CTCF: variants seen among roughly 807,000 people sequenced by gnomAD.
CTCF encodes transcriptional repressor CTCF.
CTCF carries 7 observed loss-of-function variants against 72.3 expected under a neutral mutation model. That is an observed-to-expected ratio of 0.10 (90% CI 0.06 to 0.18). CTCF has a LOEUF of 0.18. CTCF is among the 10% of genes least tolerant of loss of function. The pLI is 1.00. For missense variants in CTCF, 516 were observed against 949.1 expected, an observed-to-expected ratio of 0.54 and a Z score of 6.00; for synonymous variants, 374 against 315.8, an observed-to-expected ratio of 1.18 and a Z score of -1.95.
At chr16:67,587,090 C>G (rs2051678580) in intron 2 of CTCF, among the ~76,000 whole-genome samples, 1 of 146,092 alleles carries the variant, frequency 6.8e-6, no homozygotes, top group South Asian at 2.2e-4. Context: ...GGGTAGGTAA[C>G]TTCTTAAACA....
At chr16:67,566,515 TAAAAAA>T (rs377253111) in intron 1 of CTCF, among the ~76,000 whole-genome samples, 15 of 76,272 alleles carry the variant, frequency 2.0e-4, no homozygotes, top group Admixed American at 2.0e-3. Context: ...GTCTCAAAAT[TAAAAAA>T]AAAAAAAAAA....
In CTCF at chr16:67,610,852, A is replaced by C; in HGVS notation, c.20A>C (p.Glu7Ala). The C allele has an allele frequency of 6.7e-7, 1 of 1,488,202 alleles. No homozygotes were observed. The allele number at this position is 1,488,202 out of a possible 1,614,324, so 92.2% of individuals were successfully genotyped here. ...GGGGAAATGGAAGGTGATGCAGTCG[A>C]AGCCATTGTGGAGGAGTCCGAAACT... MEGDAV[E>A]AIVEESETFI... The change falls in exon 3 of 12, where the codon GAA becomes GCA. Residue 7 changes from glutamate (E) to alanine (A), a missense_variant. Glu to Ala is a moderately radical substitution (Grantham distance 107). This residue lies in a region of CTCF where 148 missense variants were observed against 194.9 expected (regional missense o/e 0.76). Transcript: ENST00000264010.
intron 2 of CTCF, among the ~76,000 whole-genome samples, chr16:67,581,213 C>A (rs2051576873): frequency 6.6e-6 from 1 of 152,226 alleles, no homozygotes; most frequent in African/African-American, 2.4e-5. Flanking sequence ...CAGGCGTGAG[C>A]CACTGCACCT....
intron 2 of CTCF, among the ~76,000 whole-genome samples, chr16:67,601,992 T>C (rs1008538104): frequency 1.3e-5 from 2 of 151,518 alleles, no homozygotes; most frequent in African/African-American, 2.4e-5. Context: ...GCCTCCCAAA[T>C]AGCTGGGACT....
Position 67,582,074 on chromosome 16 carries a change from G to T in CTCF, c.-10+10810G>T, listed in dbSNP as rs1052837051. Among the ~76,000 whole-genome samples the T allele has an allele frequency of 1.6e-4, 24 of 152,144 alleles. No individual in the cohort carries two copies. The South Asian group carries it at 2.3e-3, about 14-fold the overall frequency. ...CCGTCTCTACTAAAACAAAAAATTAGCTGGGTGTGGTGGTGGGCACCTGTA... is the reference window on the plus strand; with the variant it reads ...CCGTCTCTACTAAAACAAAAAATTATCTGGGTGTGGTGGTGGGCACCTGTA... On this transcript the variant is annotated intron_variant, in intron 2 of 11. Coordinates refer to ENST00000264010, the MANE Select transcript of CTCF (RefSeq NM_006565.4).
chr16:67,636,893 G>C, intron 11 of CTCF, 42 bp downstream of exon 11: 1 of 1,436,356 alleles, frequency 7.0e-7, no homozygotes, highest in Non-Finnish European at 9.2e-7. Context: ...CGTCTTCTCC[G>C]AGCATGTGGG....
At chr16:67,569,891 G>A (rs1000847746) in intron 1 of CTCF, among the ~76,000 whole-genome samples, 1 of 151,650 alleles carries the variant, frequency 6.6e-6, no homozygotes, top group Non-Finnish European at 1.5e-5. Context: ...TCGCCATGTT[G>A]GTCAGGCTGT....
chr16:67,614,324 G>A (rs1219427064), intron 4 of CTCF: 1 of 148,854 alleles, frequency 6.7e-6, no homozygotes, highest in African/African-American at 2.5e-5. Flanking sequence ...TCCAGCCTGG[G>A]CGACAGAGTG....
At chr16:67,618,181 G>T (rs1344600780) in intron 5 of CTCF, among the ~76,000 whole-genome samples, 2 of 152,212 alleles carry the variant, frequency 1.3e-5, no homozygotes, top group Non-Finnish European at 2.9e-5. Flanking sequence ...GAGGTGGGCA[G>T]ATCACCTGAG....
At chr16:67,630,104 G>C (rs2052345056) in intron 10 of CTCF, among the ~76,000 whole-genome samples, 1 of 151,902 alleles carries the variant, frequency 6.6e-6, no homozygotes, top group Non-Finnish European at 1.5e-5. Context: ...GTAATCTTGA[G>C]TTAAAGCAAA....
rs763153202 is a variant in CTCF, at chr16:67,611,001, A to G, written c.169A>G (p.Ser57Gly). 5 of 1,612,432 alleles carry G rather than the reference A, an allele frequency of 3.1e-6. No homozygotes were observed. Among genetic ancestry groups the G allele is most frequent in the Non-Finnish European group, 4.2e-6 (5 of 1,178,562 alleles). The change falls in exon 3 of 12, where the codon AGT becomes GGT. Residue 57 changes from serine (S) to glycine (G), a missense_variant. Coordinates refer to ENST00000264010, the MANE Select transcript of CTCF (RefSeq NM_006565.4). ...GGEVVQDVNS[S>G]VQMVMMEQLD... ...TGAGGTGGTCCAGGATGTCAACAGCAGTGTACAGATGGTGATGATGGAACA... is the reference window on the plus strand; with the variant it reads ...TGAGGTGGTCCAGGATGTCAACAGCGGTGTACAGATGGTGATGATGGAACA...
intron 2 of CTCF, among the ~76,000 whole-genome samples, chr16:67,573,610 T>C (rs1056148170): frequency 6.6e-6 from 1 of 152,148 alleles, no homozygotes; most frequent in Non-Finnish European, 1.5e-5. Flanking sequence ...TGAGAAGCAA[T>C]ACATTTGAGC....
chr16:67,581,372 G>A (rs1398876657), intron 2 of CTCF, among the ~76,000 whole-genome samples: 1 of 151,472 alleles, frequency 6.6e-6, no homozygotes, highest in East Asian at 1.9e-4. Context: ...TCCCGTGCTG[G>A]AGTGCAGTGG....
chr16:67,587,983 G>A (rs922125890), intron 2 of CTCF, among the ~76,000 whole-genome samples: 2 of 151,998 alleles, frequency 1.3e-5, no homozygotes, highest in Non-Finnish European at 2.9e-5. Context: ...TGAGCCTCCT[G>A]AGTAGCTGGG....
chr16:67,607,825 C>G (rs2051996976), intron 2 of CTCF, among the ~76,000 whole-genome samples: 2 of 150,244 alleles, frequency 1.3e-5, no homozygotes, highest in South Asian at 4.2e-4. Context: ...CAAGACCAGC[C>G]TGGCCAACAT....
chr16:67,575,387 A>T (rs1232931017), intron 2 of CTCF, among the ~76,000 whole-genome samples: 5 of 151,774 alleles, frequency 3.3e-5, no homozygotes, highest in Admixed American at 2.6e-4. Flanking sequence ...CATGCAGCTT[A>T]ATAGCTATAT....
intron 1 of CTCF, among the ~76,000 whole-genome samples, chr16:67,570,268 A>T (rs1041476585): frequency 1.3e-5 from 2 of 150,648 alleles, no homozygotes; most frequent in African/African-American, 4.9e-5. Context: ...TTTTTAGTAG[A>T]GACGGGGTCT....
intron 2 of CTCF, among the ~76,000 whole-genome samples, chr16:67,609,784 G>A (rs575500203): frequency 2.6e-5 from 4 of 152,104 alleles, no homozygotes; most frequent in African/African-American, 7.2e-5. Context: ...CACCACGCCC[G>A]GCTAATTTTT....
chr16:67,597,273 C>T (rs1047246877), intron 2 of CTCF, among the ~76,000 whole-genome samples: 3 of 151,852 alleles, frequency 2.0e-5, no homozygotes, highest in Admixed American at 6.6e-5. Context: ...TGGGCTCAAG[C>T]GATCTGCTGG....
Sources: allele counts gnomAD v4.1 joint callset (sites outside exome capture counted in the v4.1 genomes callset), GRCh38; gene constraint gnomAD v4.1.1; regional missense constraint gnomAD v4.1.1; transcripts MANE v1.5; gene names NCBI Gene and HGNC (gene_info 2026-07-23, HGNC 2026-07-21).